PPP1R2B: variants seen among roughly 807,000 people sequenced by gnomAD.
PPP1R2B encodes protein phosphatase inhibitor 2 family member B.
Under a neutral mutation model 17.6 loss-of-function variants are expected in PPP1R2B, and 13 were observed. The ratio of observed to expected loss-of-function variants is 0.74; its 90% CI spans 0.48 to 1.17. The LOEUF is 1.17. Among genes scored for constraint, PPP1R2B ranks in the 50% most tolerant of loss-of-function variants. The pLI is 0.00. For missense variants in PPP1R2B, 230 were observed against 252.4 expected (o/e 0.91, Z 0.60); for synonymous variants, 105 against 95.4 (o/e 1.10, Z -0.59).
Position 156,852,225 on chromosome 5 carries a change from G to A in PPP1R2B, c.*1045G>A, listed in dbSNP as rs1007868809. ...TAACTGCTGAATTTCTATGCCTCTC[G>A]ATTTACAGATTGCTAATTAAATTGC... On this transcript the variant is annotated 3_prime_UTR_variant, in exon 1 of 1. Transcript: ENST00000522232. The A allele has an allele frequency of 6.6e-6, 1 of 152,010 alleles. No individual in the cohort carries two copies. Among genetic ancestry groups the A allele is most frequent in the South Asian group, 2.1e-4 (1 of 4,822 alleles). 9.4% of individuals were successfully genotyped at this position (152,010 alleles called of 1,614,324 possible).
chr5:156,850,674 G>T lies in PPP1R2B; in HGVS notation c.112G>T (p.Glu38Ter), dbSNP rs751724688. 5.1e-5 allele frequency: 81 copies of T among 1,580,590 alleles called. No individual in the cohort carries two copies. Among genetic ancestry groups the T allele is most frequent in the Non-Finnish European group, 6.6e-5 (76 of 1,150,188 alleles). Residue 38 changes from glutamate (E) to a stop codon, truncating the protein, a stop_gained, in exon 1 of 1, where the codon GAG becomes TAG. Coordinates refer to ENST00000522232, the MANE Select transcript of PPP1R2B (RefSeq NM_206858.3). LOFTEE classifies it high-confidence loss of function. ...CGAACAGCCCCGCAGGAGTGTCGAC[G>T]AGGAGCTGAGCAAAAAATCCCAGAA... ...SAEQPRRSVD[E>*]ELSKKSQKWD...
In PPP1R2B at chr5:156,850,961, A is replaced by G. The variant is rs1402010580; in HGVS notation, c.399A>G (p.Glu133=). ...AGGATAGTGACCTCTCACCTGAAGA[A>G]CGAGAAAAAAAGCGACAATTTGAAA... ...GEEDSDLSPE[E]REKKRQFEMR... Residue 133 remains glutamate (E), a synonymous_variant, in exon 1 of 1, where the codon GAA becomes GAG. Coordinates refer to ENST00000522232, the MANE Select transcript of PPP1R2B (RefSeq NM_206858.3). The G allele has an allele frequency of 2.5e-6, 4 of 1,613,338 alleles. No individual in the cohort carries two copies. The African/African-American group carries it at 4.0e-5, about 16-fold the overall frequency.
rs527712237 is a variant in PPP1R2B, at chr5:156,851,121, G to A, written c.559G>A (p.Glu187Lys). ...TADGESMNTE[E>K]SNQGSTPSDQ... is the part of the protein sequence containing the mutation. ...AGATGGAGAAAGCATGAATACGGAA[G>A]AATCAAATCAAGGATCTACTCCAAG... is the stretch of plus-strand genomic sequence containing the variant. The change falls in exon 1 of 1, where the codon GAA becomes AAA. Residue 187 changes from glutamate to lysine, a missense_variant. Transcript: ENST00000522232. 17 of 1,592,594 alleles carry A rather than the reference G, an allele frequency of 1.1e-5. No individual in the cohort carries two copies. In the Admixed American group the frequency reaches 2.8e-4, roughly 27 times the overall value.
chr5:156,850,385 T>A lies in PPP1R2B; in HGVS notation c.-178T>A, dbSNP rs1196865436. 6.6e-6 allele frequency among the ~76,000 whole-genome samples: 1 copy of A among 152,040 alleles called. No individual in the cohort carries two copies. The highest frequency in any genetic ancestry group is 2.1e-4 in the South Asian group (1 of 4,832). ...GAGCCGCCACCCATTCGGCGTTGGC[T>A]CTGGCGTCGGGGTCGTTGTGACAAC... On this transcript the variant is annotated 5_prime_UTR_variant, in exon 1 of 1. Transcript: ENST00000522232.
Position 156,851,289 on chromosome 5 carries a change from AGTT to A in PPP1R2B, c.*110_*112del, listed in dbSNP as rs1235331972. The A allele has an allele frequency of 2.4e-6, 2 of 841,440 alleles. No homozygotes were observed. The highest frequency in any genetic ancestry group is 3.9e-6 in the Non-Finnish European group (2 of 513,592). 52.1% of individuals were successfully genotyped at this position (841,440 alleles called of 1,614,324 possible). ...TGACTTAAGTACCAAAATGCATACC[AGTT>A]ATTATATATTGCCAAGAATTAAATG... On this transcript the variant is annotated 3_prime_UTR_variant, in exon 1 of 1. Transcript: ENST00000522232.
Position 156,850,928 on chromosome 5 carries a change from T to C in PPP1R2B, c.366T>C (p.Ser122=). The C allele has an allele frequency of 1.2e-6, 2 of 1,612,068 alleles. No individual in the cohort carries two copies. The highest frequency in any genetic ancestry group is 1.7e-6 in the Non-Finnish European group (2 of 1,178,628). ...PKYRIQEQES[S]GEEDSDLSPE... is the part of the protein sequence containing the mutation. ...ACCGGATTCAGGAACAAGAAAGCAGTGGAGAGGAGGATAGTGACCTCTCAC... is the reference window on the plus strand; with the variant it reads ...ACCGGATTCAGGAACAAGAAAGCAGCGGAGAGGAGGATAGTGACCTCTCAC... Residue 122 remains serine, a synonymous_variant, in exon 1 of 1, where the codon AGT becomes AGC. Transcript: ENST00000522232.
Position 156,850,417 on chromosome 5 carries a change from A to G in PPP1R2B, c.-146A>G, listed in dbSNP as rs1758460743. ...TCGGGGTCGTTGTGACAACCGCTCC[A>G]GTAGCCGTTTCCGAGGCAGCAGGTG... On this transcript the variant is annotated 5_prime_UTR_variant, in exon 1 of 1. Transcript: ENST00000522232. The G allele has an allele frequency of 1.0e-6, 1 of 987,462 alleles. No individual in the cohort carries two copies. Among genetic ancestry groups the G allele is most frequent in the Non-Finnish European group, 1.5e-6 (1 of 680,140 alleles). 61.2% of individuals were successfully genotyped at this position (987,462 alleles called of 1,614,324 possible). A position where few individuals can be genotyped will look rare whatever the true frequency, so the allele number is the denominator to read the frequency against.
Position 156,850,450 on chromosome 5 carries a change from T to G in PPP1R2B, c.-113T>G. ...TTTCCGAGGCAGCAGGTGCGGCCGC[T>G]TTAGCCCTGAGCGGGCTCTGCGGCT... On this transcript the variant is annotated 5_prime_UTR_variant, in exon 1 of 1. Coordinates refer to ENST00000522232, the MANE Select transcript of PPP1R2B (RefSeq NM_206858.3). The G allele has an allele frequency of 1.7e-5, 23 of 1,334,622 alleles. No homozygotes were observed. The highest frequency in any genetic ancestry group is 4.4e-5 in the African/African-American group (3 of 67,504). 82.7% of individuals were successfully genotyped at this position (1,334,622 alleles called of 1,614,324 possible). A position where few individuals can be genotyped will look rare whatever the true frequency, so the allele number is the denominator to read the frequency against.
Position 156,851,767 on chromosome 5 carries a change from A to C in PPP1R2B, c.*587A>C, listed in dbSNP as rs1210058927. 1 of 152,836 alleles carries C rather than the reference A, an allele frequency of 6.5e-6. No individual in the cohort carries two copies. The highest frequency in any genetic ancestry group is 1.5e-5 in the Non-Finnish European group (1 of 68,176). The allele number at this position is 152,836 out of a possible 1,614,324, so 9.5% of individuals were successfully genotyped here. A position where few individuals can be genotyped will look rare whatever the true frequency, so the allele number is the denominator to read the frequency against. On this transcript the variant is annotated 3_prime_UTR_variant, in exon 1 of 1. Transcript: ENST00000522232. Reference sequence around the variant, plus strand: ...CTTTGTGTTTACAAGGAAAGGACTGAACTTTTTCTCATCAAAACTAGCTTT... The same window carrying C: ...CTTTGTGTTTACAAGGAAAGGACTGCACTTTTTCTCATCAAAACTAGCTTT...
In PPP1R2B at chr5:156,851,132, A is replaced by G. The variant is rs1451464445; in HGVS notation, c.570A>G (p.Gln190=). 1 of 1,591,832 alleles carries G rather than the reference A, an allele frequency of 6.3e-7. No individual in the cohort carries two copies. The change falls in exon 1 of 1, where the codon CAA becomes CAG. Residue 190 remains glutamine (Q), a synonymous_variant. Coordinates refer to ENST00000522232, the MANE Select transcript of PPP1R2B (RefSeq NM_206858.3). ...GESMNTEESN[Q]GSTPSDQQQN... is the part of the protein sequence containing the mutation. ...GCATGAATACGGAAGAATCAAATCA[A>G]GGATCTACTCCAAGTGACCAACAGC... is the stretch of plus-strand genomic sequence containing the variant.
rs975246336 is a variant in PPP1R2B, at chr5:156,852,280, GA to G, written c.*1104del. On this transcript the variant is annotated 3_prime_UTR_variant, in exon 1 of 1. Transcript: ENST00000522232. ...ATTAGTTTGGCTTAATTAGACTTAA[GA>G]AAACAACCGAGGGTTTTTTTTTGTT... The G allele has an allele frequency of 7.9e-5, 12 of 152,026 alleles. No homozygotes were observed. Among genetic ancestry groups the G allele is most frequent in the African/African-American group, 2.9e-4 (12 of 41,404 alleles). The allele number at this position is 152,026 out of a possible 1,614,324, so 9.4% of individuals were successfully genotyped here. A position where few individuals can be genotyped will look rare whatever the true frequency, so the allele number is the denominator to read the frequency against.
chr5:156,850,677 G>T lies in PPP1R2B; in HGVS notation c.115G>T (p.Glu39Ter), dbSNP rs755143463. Reference protein sequence around the residue: ...AEQPRRSVDEELSKKSQKWDE... With the variant: ...AEQPRRSVDE The stretch of plus-strand genomic sequence containing the variant: ...ACAGCCCCGCAGGAGTGTCGACGAG[G>T]AGCTGAGCAAAAAATCCCAGAAGTG... Residue 39 changes from glutamate (E) to a stop codon, truncating the protein, a stop_gained, in exon 1 of 1, where the codon GAG becomes TAG. Transcript: ENST00000522232. LOFTEE classifies it high-confidence loss of function. The T allele has an allele frequency of 2.5e-6, 4 of 1,580,448 alleles. No individual in the cohort carries two copies.
Position 156,851,102 on chromosome 5 carries a change from A to T in PPP1R2B, c.540A>T (p.Gly180=), listed in dbSNP as rs1393870922. The change falls in exon 1 of 1, where the codon GGA becomes GGT. Residue 180 remains glycine (G), a synonymous_variant. Coordinates refer to ENST00000522232, the MANE Select transcript of PPP1R2B (RefSeq NM_206858.3). Reference sequence around the variant, plus strand: ...AAGAAATGTTAGAGACTGCAGATGGAGAAAGCATGAATACGGAAGAATCAA... The same window carrying T: ...AAGAAATGTTAGAGACTGCAGATGGTGAAAGCATGAATACGGAAGAATCAA... ...EDEEMLETAD[G]ESMNTEESNQ... The T allele has an allele frequency of 6.3e-7, 1 of 1,592,934 alleles. No individual in the cohort carries two copies. Among genetic ancestry groups the T allele is most frequent in the Non-Finnish European group, 8.6e-7 (1 of 1,160,656 alleles).
Position 156,850,701 on chromosome 5 carries a change from TG to T in PPP1R2B, c.142del (p.Asp48MetfsTer18), listed in dbSNP as rs1758468018. On this transcript the variant is annotated frameshift_variant, in exon 1 of 1. Transcript: ENST00000522232. LOFTEE classifies it high-confidence loss of function. ...DEELSKKSQK[W>X]DEINILATYH... ...GGAGCTGAGCAAAAAATCCCAGAAGTGGGATGAAATTAACATCTTGGCGACC... is the reference window on the plus strand; with the variant it reads ...GGAGCTGAGCAAAAAATCCCAGAAGTGGATGAAATTAACATCTTGGCGACC... The T allele has an allele frequency of 1.3e-6, 2 of 1,557,960 alleles. No homozygotes were observed. The highest frequency in any genetic ancestry group is 4.5e-5 in the East Asian group (2 of 44,426).
chr5:156,850,815 G>A lies in PPP1R2B; in HGVS notation c.253G>A (p.Ala85Thr). ...YHSMMGDDED[A>T]CRDTETTEAM... Reference sequence around the variant, plus strand: ...TAGTATGATGGGTGATGATGAAGATGCGTGTAGGGACACCGAGACCACTGA... The same window carrying A: ...TAGTATGATGGGTGATGATGAAGATACGTGTAGGGACACCGAGACCACTGA... The change falls in exon 1 of 1, where the codon GCG becomes ACG. Residue 85 changes from alanine to threonine, a missense_variant. By Grantham distance (58) the Ala-to-Thr change is moderately conservative (BLOSUM62 0). Coordinates refer to ENST00000522232, the MANE Select transcript of PPP1R2B (RefSeq NM_206858.3). 2 of 1,504,902 alleles carry A rather than the reference G, an allele frequency of 1.3e-6. No homozygotes were observed. Among genetic ancestry groups the A allele is most frequent in the Non-Finnish European group, 1.9e-6 (2 of 1,080,832 alleles). The allele number at this position is 1,504,902 out of a possible 1,614,324, so 93.2% of individuals were successfully genotyped here.
In PPP1R2B at chr5:156,850,845, A is replaced by G. The variant is rs554290042; in HGVS notation, c.283A>G (p.Met95Val). Reference sequence around the variant, plus strand: ...TAGGGACACCGAGACCACTGAAGCCATGGCGCCAGACATCCTAGCCAAGAA... The same window carrying G: ...TAGGGACACCGAGACCACTGAAGCCGTGGCGCCAGACATCCTAGCCAAGAA... ...ACRDTETTEA[M>V]APDILAKKLA... is the part of the protein sequence containing the mutation. The change falls in exon 1 of 1, where the codon ATG becomes GTG. Residue 95 changes from methionine to valine, a missense_variant. Transcript: ENST00000522232. 2.6e-6 allele frequency: 4 copies of G among 1,556,096 alleles called. No homozygotes were observed. The East Asian group carries it at 9.0e-5, about 35-fold the overall frequency.
chr5:156,850,429 C>T lies in PPP1R2B; in HGVS notation c.-134C>T, dbSNP rs888867233. The stretch of plus-strand genomic sequence containing the variant: ...TGACAACCGCTCCAGTAGCCGTTTC[C>T]GAGGCAGCAGGTGCGGCCGCTTTAG... On this transcript the variant is annotated 5_prime_UTR_variant, in exon 1 of 1. The change creates a premature stop within an existing upstream ORF in the 5' untranslated region. Transcript: ENST00000522232. The T allele has an allele frequency of 1.8e-6, 2 of 1,123,182 alleles. No homozygotes were observed. Among genetic ancestry groups the T allele is most frequent in the South Asian group, 1.6e-5 (1 of 61,230 alleles). The allele number at this position is 1,123,182 out of a possible 1,614,324, so 69.6% of individuals were successfully genotyped here.
At position 156,852,499 on chromosome 5, in the gene PPP1R2B, A is replaced by C. The variant is rs996757941; in HGVS notation, c.*1319A>C. The C allele has an allele frequency of 5.9e-5, 9 of 152,028 alleles. No individual in the cohort carries two copies. The highest frequency in any genetic ancestry group is 8.8e-5 in the Non-Finnish European group (6 of 67,962). 9.4% of individuals were successfully genotyped at this position (152,028 alleles called of 1,614,324 possible). A position where few individuals can be genotyped will look rare whatever the true frequency, so the allele number is the denominator to read the frequency against. ...TAACGCAGTAAGAATTATGTGGAATATTTTCCTTAAACGAAGTGCAGGAAA... is the reference window on the plus strand; with the variant it reads ...TAACGCAGTAAGAATTATGTGGAATCTTTTCCTTAAACGAAGTGCAGGAAA... On this transcript the variant is annotated 3_prime_UTR_variant, in exon 1 of 1. Coordinates refer to ENST00000522232, the MANE Select transcript of PPP1R2B (RefSeq NM_206858.3).
chr5:156,850,428 C>T lies in PPP1R2B; in HGVS notation c.-135C>T. The T allele has an allele frequency of 9.0e-7, 1 of 1,111,832 alleles. No homozygotes were observed. The highest frequency in any genetic ancestry group is 1.3e-6 in the Non-Finnish European group (1 of 791,648). 68.9% of individuals were successfully genotyped at this position (1,111,832 alleles called of 1,614,324 possible). A position where few individuals can be genotyped will look rare whatever the true frequency, so the allele number is the denominator to read the frequency against. The stretch of plus-strand genomic sequence containing the variant: ...GTGACAACCGCTCCAGTAGCCGTTT[C>T]CGAGGCAGCAGGTGCGGCCGCTTTA... On this transcript the variant is annotated 5_prime_UTR_variant, in exon 1 of 1. Transcript: ENST00000522232.
Sources: gnomAD v4.1 joint callset for allele counts (sites outside exome capture counted in the v4.1 genomes callset) on GRCh38, gnomAD v4.1.1 for gene constraint, MANE v1.5 for transcripts, NCBI Gene and HGNC (gene_info 2026-07-23, HGNC 2026-07-21) for gene names.